Variants in PURG observed in about 807,000 individuals in gnomAD.
PURG encodes the protein purine rich element binding protein G.
A neutral mutation model predicts 24.3 loss-of-function variants in PURG; 3 were observed. The ratio of observed to expected loss-of-function variants is 0.12; its 90% confidence interval spans 0.06 to 0.32. PURG has a LOEUF of 0.32. Among genes scored for constraint, PURG ranks in the 10% least tolerant of loss-of-function variants. The pLI is 1.00. For synonymous variants in PURG, 180 were observed against 173.1 expected, an observed-to-expected ratio of 1.04 and a Z score of -0.31; for missense variants, 371 against 439.1, an observed-to-expected ratio of 0.84 and a Z score of 1.39.
intron 1 of PURG, among the ~76,000 whole-genome samples, chr8:31,006,877 T>C (rs1390562924): frequency 6.6e-6 from 1 of 152,168 alleles, no homozygotes; most frequent in South Asian, 2.1e-4. Flanking sequence ...ACATTCAATA[T>C]GGTTAAAAAG....
At chr8:31,002,076 T>C (rs934323883) in intron 1 of PURG, among the ~76,000 whole-genome samples, 3 of 152,214 alleles carry the variant, frequency 2.0e-5, no homozygotes, top group African/African-American at 4.8e-5. Flanking sequence ...TCCTCATAGC[T>C]GCAATCATTA....
At chr8:31,000,724 T>A (rs1810520939) in intron 1 of PURG, among the ~76,000 whole-genome samples, 1 of 152,208 alleles carries the variant, frequency 6.6e-6, no homozygotes, top group African/African-American at 2.4e-5. Flanking sequence ...AGCATCTGAA[T>A]CTTAGGTATA....
chr8:31,005,017 G>T (rs563608058), intron 1 of PURG, among the ~76,000 whole-genome samples: 1 of 152,172 alleles, frequency 6.6e-6, no homozygotes, highest in South Asian at 2.1e-4. Flanking sequence ...GTGACGATCT[G>T]CTTATTTCTT....
At chr8:31,006,040 A>G (rs1375714509) in intron 1 of PURG, among the ~76,000 whole-genome samples, 1 of 152,140 alleles carries the variant, frequency 6.6e-6, no homozygotes, top group Non-Finnish European at 1.5e-5. Flanking sequence ...ATCACGTTGA[A>G]TGCCAGTGTC....
At position 31,032,949 on chromosome 8, in the gene PURG, T is replaced by G; in HGVS notation, c.-7+129A>C. 1 of 276,144 alleles carries G rather than the reference T, an allele frequency of 3.6e-6. No individual in the cohort carries two copies. The highest frequency in any genetic ancestry group is 5.6e-6 in the Non-Finnish European group (1 of 179,894). 17.1% of individuals were successfully genotyped at this position (276,144 alleles called of 1,614,324 possible). A position where few individuals can be genotyped will look rare whatever the true frequency, so the allele number is the denominator to read the frequency against. ...CGGGGCTCCAGCCACTGCCGGCCGG[T>G]TGGCGGCCGCCGCTCCGGCTCTGCC... is the stretch of plus-strand genomic sequence containing the variant. On this transcript the variant is annotated intron_variant, in intron 1 of 1. Coordinates refer to ENST00000523392, the MANE Select transcript of PURG (RefSeq NM_001323311.2). The surrounding 1 kb of genome is among the most constrained non-coding windows in gnomAD (Gnocchi z 5.9).
At position 31,008,027 on chromosome 8, in the gene PURG, A is replaced by G. The variant is rs10110302; in HGVS notation, c.865-11330T>C. 3.2e-3 allele frequency among the ~76,000 whole-genome samples: 491 copies of G among 152,178 alleles called. 1 individual carries two copies. The highest frequency in any genetic ancestry group is 0.012 in the African/African-American group (479 of 41,530). The stretch of plus-strand genomic sequence containing the variant: ...AGTTAGTGCTTTTTGTTTCCTGTGC[A>G]AGAAATTTTTGCCTGCACAATTGTG... On this transcript the variant is annotated intron_variant, in intron 1 of 1. Transcript: ENST00000339382.
chr8:31,003,771 C>T (rs1463048210), intron 1 of PURG, among the ~76,000 whole-genome samples: 1 of 149,860 alleles, frequency 6.7e-6, no homozygotes, highest in Non-Finnish European at 1.5e-5. Flanking sequence ...CAAAAAAAAA[C>T]CAAAAAACAA....
downstream of PURG, among the ~76,000 whole-genome samples, chr8:31,026,665 T>C (rs1312626267): frequency 1.4e-5 from 2 of 143,922 alleles, no homozygotes; most frequent in South Asian, 4.4e-4. Context: ...TATATATACA[T>C]ACACATATAC....
chr8:31,031,697 A>AT lies in PURG; in HGVS notation c.*41dup, dbSNP rs1265491975. ...GATAATGGATCAGTACTTTTAGCCA[A>AT]TTTGTGATTTTAAATTTTGCCTGAT... is the stretch of plus-strand genomic sequence containing the variant. On this transcript the variant is annotated 3_prime_UTR_variant, in exon 2 of 2. Transcript: ENST00000523392. 1 of 1,497,956 alleles carries AT rather than the reference A, an allele frequency of 6.7e-7. No individual in the cohort carries two copies. Among genetic ancestry groups the AT allele is most frequent in the South Asian group, 1.3e-5 (1 of 74,852 alleles). The allele number at this position is 1,497,956 out of a possible 1,614,324, so 92.8% of individuals were successfully genotyped here.
At chr8:31,022,437 G>A (rs758590621) in intron 1 of PURG, among the ~76,000 whole-genome samples, 89 of 152,252 alleles carry the variant, frequency 5.8e-4, no homozygotes, top group Non-Finnish European at 1.1e-3. Context: ...TGGCAAGAGC[G>A]TGGAGAACAG....
chr8:30,997,021 C>T (rs896622431), intron 1 of PURG, among the ~76,000 whole-genome samples: 1 of 151,508 alleles, frequency 6.6e-6, no homozygotes, highest in African/African-American at 2.4e-5. Context: ...ATGTATCTGC[C>T]CACCTTCTAA....
chr8:30,999,968 T>C (rs907299826), intron 1 of PURG, among the ~76,000 whole-genome samples: 1 of 82,198 alleles, frequency 1.2e-5, no homozygotes, highest in Non-Finnish European at 2.2e-5. Context: ...GTATGTGTTT[T>C]CCTTTAAAAT....
In PURG at chr8:31,031,582, A is replaced by T. The variant is rs1811204033; in HGVS notation, c.*157T>A. On this transcript the variant is annotated 3_prime_UTR_variant, in exon 2 of 2. Coordinates refer to ENST00000523392, the MANE Select transcript of PURG (RefSeq NM_001323311.2). ...AGAATTATAGTGATCTATGTGTAAC[A>T]TAACATGAGAATCAGACTTCCTGAA... 1 of 683,154 alleles carries T rather than the reference A, an allele frequency of 1.5e-6. No homozygotes were observed. Among genetic ancestry groups the T allele is most frequent in the South Asian group, 2.0e-5 (1 of 50,536 alleles). 42.3% of individuals were successfully genotyped at this position (683,154 alleles called of 1,614,324 possible). A position where few individuals can be genotyped will look rare whatever the true frequency, so the allele number is the denominator to read the frequency against.
chr8:31,013,481 T>C (rs1239110021), intron 1 of PURG, among the ~76,000 whole-genome samples: 1 of 152,202 alleles, frequency 6.6e-6, no homozygotes, highest in East Asian at 1.9e-4. Context: ...CTCATGCCTG[T>C]AATCCCAGCA....
At chr8:31,001,920 A>G (rs1357075431) in intron 1 of PURG, among the ~76,000 whole-genome samples, 2 of 152,210 alleles carry the variant, frequency 1.3e-5, no homozygotes, top group African/African-American at 4.8e-5. Context: ...CAGAGAACCA[A>G]TGACACAATT....
intron 1 of PURG, among the ~76,000 whole-genome samples, chr8:31,023,006 T>C (rs1433747666): frequency 1.2e-4 from 19 of 152,214 alleles, no homozygotes. Context: ...GAATATCTGA[T>C]GGGAAGCTGA....
intron 1 of PURG, among the ~76,000 whole-genome samples, chr8:31,009,900 C>A (rs2129795173): frequency 6.6e-6 from 1 of 152,098 alleles, no homozygotes; most frequent in African/African-American, 2.4e-5. Context: ...GAGGGAAAAC[C>A]AGTCTAGGGA....
At chr8:30,997,731 G>A (rs1189494304) in intron 1 of PURG, among the ~76,000 whole-genome samples, 1 of 151,710 alleles carries the variant, frequency 6.6e-6, no homozygotes, top group Non-Finnish European at 1.5e-5. Context: ...TTGGATAAAA[G>A]CCTATCCTTA....
At chr8:31,009,137 T>G (rs1370396453) in intron 1 of PURG, among the ~76,000 whole-genome samples, 1 of 152,062 alleles carries the variant, frequency 6.6e-6, no homozygotes, top group Admixed American at 6.6e-5. Context: ...AGAAACAGAA[T>G]AATTCGGACA....
Sources: gnomAD v4.1 joint callset for allele counts (sites outside exome capture counted in the v4.1 genomes callset) on GRCh38, gnomAD v4.1.1 for gene constraint, Gnocchi (gnomAD v3.1) non-coding constraint, MANE v1.5 for transcripts, NCBI Gene and HGNC (gene_info 2026-07-23, HGNC 2026-07-21) for gene names.